The following RBFOX3 variants were observed in gnomAD, a reference collection of about 807,000 sequenced individuals.
The protein encoded by RBFOX3 is RNA binding fox-1 homolog 3.
In RBFOX3, 17 loss-of-function variants were observed where a neutral mutation model predicts 48.7. The ratio of observed to expected loss-of-function variants is 0.35; its 90% CI spans 0.24 to 0.52. The LOEUF is 0.52. RBFOX3 is among the 20% of genes least tolerant of loss of function. The pLI is 0.94. For missense variants in RBFOX3, 382 were observed against 497.5 expected, an observed-to-expected ratio of 0.77 and a Z score of 2.21; for synonymous variants, 212 against 209.5, an observed-to-expected ratio of 1.01 and a Z score of -0.10.
At chr17:79,105,471 A>G (rs1292279989) in intron 6 of RBFOX3, among the ~76,000 whole-genome samples, 1 of 151,908 alleles carries the variant, frequency 6.6e-6, no homozygotes, top group Admixed American at 6.5e-5. Flanking sequence ...GGCCCAGAGA[A>G]ACCTGGCAGC....
intron 2 of RBFOX3, among the ~76,000 whole-genome samples, chr17:79,468,717 C>CACAG (rs1234140124): frequency 1.0e-5 from 1 of 95,742 alleles, no homozygotes; most frequent in African/African-American, 4.9e-5. Flanking sequence ...CGAATGGATG[C>CACAG]ATAGATAGAT....
chr17:79,102,603 G>A (rs141519011), intron 8 of RBFOX3, among the ~76,000 whole-genome samples: 2 of 152,334 alleles, frequency 1.3e-5, no homozygotes, highest in East Asian at 1.9e-4. Flanking sequence ...CGGGATGGGT[G>A]TCAGGGAGGG....
intron 1 of RBFOX3, among the ~76,000 whole-genome samples, chr17:79,547,611 A>G (rs1221945974): frequency 6.6e-6 from 1 of 152,192 alleles, no homozygotes; most frequent in African/African-American, 2.4e-5. Flanking sequence ...ACACACCCCC[A>G]GCACACATGA....
At chr17:79,130,506 C>CG (rs534787516) in intron 4 of RBFOX3, among the ~76,000 whole-genome samples, 69 of 152,368 alleles carry the variant, frequency 4.5e-4, no homozygotes, top group Non-Finnish European at 8.7e-4. Context: ...CTGCCAGGAG[C>CG]GTGGATGTCC....
At chr17:79,133,738 G>A (rs12938612) in intron 4 of RBFOX3, among the ~76,000 whole-genome samples, 1 of 151,964 alleles carries the variant, frequency 6.6e-6, no homozygotes, top group Non-Finnish European at 1.5e-5. Flanking sequence ...GGTGGACCAG[G>A]AGACACCAGG....
At chr17:79,540,699 G>A (rs11871328) in intron 1 of RBFOX3, among the ~76,000 whole-genome samples, 1 of 152,182 alleles carries the variant, frequency 6.6e-6, no homozygotes, top group Non-Finnish European at 1.5e-5. Flanking sequence ...GCCTGGAGCC[G>A]GTGTGGCCTC....
At position 79,249,973 on chromosome 17, in the gene RBFOX3, C is replaced by A. The variant is rs763261792; in HGVS notation, c.-73-14168G>T. On this transcript the variant is annotated intron_variant, in intron 3 of 14. Transcript: ENST00000693108. This position sits in a 1 kb window ranked among gnomAD's most constrained non-coding sequence, Gnocchi z 4.1. ...ATCCCTGGCATCGCTTTGGCTCTTG[C>A]GAGAGGGAGCCAGTTTTAAGGATGA... Among the ~76,000 whole-genome samples, 2 of 152,178 alleles carry A rather than the reference C, an allele frequency of 1.3e-5. No individual in the cohort carries two copies. Among genetic ancestry groups the A allele is most frequent in the South Asian group, 2.1e-4 (1 of 4,822 alleles).
chr17:79,134,240 G>A (rs1040085244), intron 4 of RBFOX3, among the ~76,000 whole-genome samples: 1 of 152,340 alleles, frequency 6.6e-6, no homozygotes, highest in Middle Eastern at 3.4e-3. Flanking sequence ...ATGTAATTAG[G>A]AAGGTAAATT....
chr17:79,173,577 C>T lies in RBFOX3; in HGVS notation c.-33-57829G>A, dbSNP rs138128618. Among the ~76,000 whole-genome samples the T allele has an allele frequency of 1.4e-3, 210 of 152,284 alleles. 1 individual carries two copies. Among genetic ancestry groups the T allele is most frequent in the African/African-American group, 4.9e-3 (205 of 41,546 alleles). ...CCCTGATGCCTTTAGCTGATCTTCC[C>T]GGTCAACCTTCCAAAACACACAGTG... On this transcript the variant is annotated intron_variant, in intron 4 of 14. Coordinates refer to ENST00000693108, the MANE Select transcript of RBFOX3 (RefSeq NM_001350451.2).
intron 3 of RBFOX3, among the ~76,000 whole-genome samples, chr17:79,275,861 T>C (rs984268483): frequency 2.6e-5 from 4 of 152,188 alleles, no homozygotes; most frequent in African/African-American, 4.8e-5. Context: ...ACCCAGGTGT[T>C]CCATCCGTGG....
intron 2 of RBFOX3, among the ~76,000 whole-genome samples, chr17:79,440,995 A>G (rs2070788792): frequency 6.6e-6 from 1 of 152,240 alleles, no homozygotes; most frequent in Non-Finnish European, 1.5e-5. Flanking sequence ...GTCCCGCCAG[A>G]GCTGGCTTGG....
chr17:79,208,712 T>G (rs1017716642), intron 4 of RBFOX3, among the ~76,000 whole-genome samples: 9 of 152,060 alleles, frequency 5.9e-5, no homozygotes, highest in Admixed American at 5.9e-4. Context: ...GAAGCCAGAA[T>G]TATTCTGACC....
intron 4 of RBFOX3, among the ~76,000 whole-genome samples, chr17:79,150,350 C>G (rs367747013): frequency 2.0e-5 from 3 of 152,036 alleles, no homozygotes; most frequent in Admixed American, 2.0e-4. Flanking sequence ...GCCTGGGACA[C>G]GCAGACAGTA....
rs533814173 is a variant in RBFOX3 at position 79,435,642 on chromosome 17, C to CCGGGCT, written c.-175+46806_-175+46811dup. The stretch of plus-strand genomic sequence containing the variant: ...GGTAGGCACTGACAAACGTTGGTCC[C>CCGGGCT]CGGGCTCAGGCCCGGGCCCCTGGGC... On this transcript the variant is annotated intron_variant, in intron 2 of 14. Transcript: ENST00000693108. Among the ~76,000 whole-genome samples the CCGGGCT allele has an allele frequency of 3.7e-3, 565 of 152,326 alleles. 3 individuals are homozygous for CCGGGCT. Among genetic ancestry groups the CCGGGCT allele is most frequent in the African/African-American group, 0.013 (529 of 41,570 alleles).
intron 2 of RBFOX3, among the ~76,000 whole-genome samples, chr17:79,478,679 A>G (rs1314612447): frequency 6.6e-6 from 1 of 152,214 alleles, no homozygotes; most frequent in East Asian, 1.9e-4. Context: ...GGGAAGGGTC[A>G]GGGTTGGAGG....
At chr17:79,599,616 G>T (rs2093656008) in intron 1 of RBFOX3, 1 of 152,314 alleles carries the variant, frequency 6.6e-6, no homozygotes, top group African/African-American at 2.4e-5. Context: ...TTTGTTGCAG[G>T]TTGGTGCCGG....
chr17:79,194,717 C>T lies in RBFOX3; in HGVS notation c.-34+41049G>A, dbSNP rs529974352. 6.7e-5 allele frequency among the ~76,000 whole-genome samples: 10 copies of T among 149,916 alleles called. No homozygotes were observed. The South Asian group carries it at 1.9e-3, about 29-fold the overall frequency. On this transcript the variant is annotated intron_variant, in intron 4 of 14. Coordinates refer to ENST00000693108, the MANE Select transcript of RBFOX3 (RefSeq NM_001350451.2). ...CATGTGGGCATTCAGAGCTAAAACA[C>T]GGCCGGTTCTAATTGAGACACTCCC...
At chr17:79,488,156 T>A (rs1305951077) in intron 1 of RBFOX3, among the ~76,000 whole-genome samples, 2 of 151,974 alleles carry the variant, frequency 1.3e-5, no homozygotes, top group South Asian at 2.1e-4. Flanking sequence ...CAAGCATACA[T>A]CCTGGATTTT....
intron 4 of RBFOX3, among the ~76,000 whole-genome samples, chr17:79,143,234 C>T (rs2042267827): frequency 6.6e-6 from 1 of 152,178 alleles, no homozygotes; most frequent in South Asian, 2.1e-4. Flanking sequence ...GCTGTGCCAG[C>T]TCGCCCGAGT....
Sources: allele counts gnomAD v4.1 joint callset (sites outside exome capture counted in the v4.1 genomes callset), GRCh38; gene constraint gnomAD v4.1.1; non-coding constraint Gnocchi (gnomAD v3.1); transcripts MANE v1.5; gene names NCBI Gene and HGNC (gene_info 2026-07-23, HGNC 2026-07-21).